AGBL1: variants seen among roughly 807,000 people sequenced by gnomAD.
AGBL1 encodes the protein cytosolic carboxypeptidase 4.
AGBL1 carries 130 observed loss-of-function variants against 118.9 expected under a neutral mutation model. The observed-to-expected ratio is 1.09, with a 90% CI of 0.95 to 1.26. The LOEUF is 1.26. AGBL1 is among the 50% of genes most tolerant of loss of function. AGBL1 has a pLI of 0.00. For missense variants in AGBL1, 1,584 were observed against 1,298.1 expected (o/e 1.22, Z -3.38); for synonymous variants, 555 against 478.9 (o/e 1.16, Z -2.08).
intron 22 of AGBL1, among the ~76,000 whole-genome samples, chr15:86,868,294 C>T (rs1021068478): frequency 2.6e-5 from 4 of 152,220 alleles, no homozygotes; most frequent in African/African-American, 7.2e-5. Flanking sequence ...GAGGACTATT[C>T]ATATGTGGCA....
intron 22 of AGBL1, among the ~76,000 whole-genome samples, chr15:86,763,453 T>TG (rs1007603785): frequency 6.6e-6 from 1 of 151,952 alleles, no homozygotes; most frequent in African/African-American, 2.4e-5. Flanking sequence ...CTCACTTTAG[T>TG]GAAAAAAACA....
At position 86,264,856 on chromosome 15, in the gene AGBL1, T is replaced by C; in HGVS notation, c.1667+18T>C. 6.5e-7 allele frequency: 1 copy of C among 1,546,780 alleles called. No homozygotes were observed. Among genetic ancestry groups the C allele is most frequent in the Non-Finnish European group, 8.7e-7 (1 of 1,150,658 alleles). ...GTCCAAAGGTGATGGCGCTACTGACTTGGGAGCTCTTTTTTTCTGTTCTTT... is the reference window on the plus strand; with the variant it reads ...GTCCAAAGGTGATGGCGCTACTGACCTGGGAGCTCTTTTTTTCTGTTCTTT... On this transcript the variant is annotated intron_variant, in intron 11 of 22. Coordinates refer to ENST00000614907, the MANE Select transcript of AGBL1 (RefSeq NM_001386094.1).
intron 18 of AGBL1, among the ~76,000 whole-genome samples, chr15:86,472,925 A>C (rs1596158338): frequency 1.3e-5 from 2 of 152,314 alleles, no homozygotes; most frequent in South Asian, 4.2e-4. Context: ...ATCTCAAAAA[A>C]CAAAAAACAG....
intron 23 of AGBL1, among the ~76,000 whole-genome samples, chr15:86,968,552 A>G (rs184863888): frequency 6.6e-6 from 1 of 151,394 alleles, no homozygotes; most frequent in Admixed American, 6.6e-5. Flanking sequence ...AAGCAAAATG[A>G]TCTTAGGCCC....
At chr15:86,578,786 C>A (rs142358354) in intron 21 of AGBL1, among the ~76,000 whole-genome samples, 1 of 152,272 alleles carries the variant, frequency 6.6e-6, no homozygotes, top group African/African-American at 2.4e-5. Context: ...ACGTGACTTG[C>A]GGCTCCTTGC....
At chr15:86,810,815 T>C (rs557431335) in intron 22 of AGBL1, among the ~76,000 whole-genome samples, 2 of 152,180 alleles carry the variant, frequency 1.3e-5, no homozygotes, top group Non-Finnish European at 2.9e-5. Context: ...ATTTCTGGTA[T>C]TGACTAGACA....
intron 5 of AGBL1, among the ~76,000 whole-genome samples, chr15:86,170,707 A>G (rs183381414): frequency 1.1e-4 from 16 of 151,926 alleles, no homozygotes; most frequent in African/African-American, 3.6e-4. Context: ...TTAGCTGGGC[A>G]TGGTGGCTCA....
intron 5 of AGBL1, among the ~76,000 whole-genome samples, chr15:86,178,806 C>G (rs377246269): frequency 1.3e-5 from 2 of 152,086 alleles, no homozygotes; most frequent in African/African-American, 4.8e-5. Context: ...ACCAATATCT[C>G]TCTTTTTTAA....
At chr15:86,529,752 C>T (rs1193425056) in intron 19 of AGBL1, among the ~76,000 whole-genome samples, 3 of 151,820 alleles carry the variant, frequency 2.0e-5, no homozygotes, top group Admixed American at 6.6e-5. Flanking sequence ...AGACTAACAG[C>T]GGATCTCTCG....
In AGBL1 at chr15:86,674,447, C is replaced by G; in HGVS notation, c.3158+11C>G. On this transcript the variant is annotated intron_variant, in intron 22 of 22. Coordinates refer to ENST00000614907, the MANE Select transcript of AGBL1 (RefSeq NM_001386094.1). The stretch of plus-strand genomic sequence containing the variant: ...CCAGCACCTCCAACGGTAAGATGCT[C>G]CCAAGGGCTCAGAGAAATTTGGACC... 1.3e-6 allele frequency: 2 copies of G among 1,594,490 alleles called. No homozygotes were observed. Among genetic ancestry groups the G allele is most frequent in the Non-Finnish European group, 1.7e-6 (2 of 1,166,146 alleles).
chr15:86,924,286 G>C (rs562567430), intron 23 of AGBL1, among the ~76,000 whole-genome samples: 1 of 152,340 alleles, frequency 6.6e-6, no homozygotes, highest in Admixed American at 6.5e-5. Context: ...ACAATGAATG[G>C]TCTTATTGGC....
chr15:86,449,889 C>T (rs1267541086), intron 18 of AGBL1, among the ~76,000 whole-genome samples: 2 of 152,116 alleles, frequency 1.3e-5, no homozygotes, highest in Non-Finnish European at 1.5e-5. Context: ...ACATCCATGG[C>T]TCTGTAGGCA....
intron 21 of AGBL1, among the ~76,000 whole-genome samples, chr15:86,638,886 T>C (rs772723415): frequency 3.3e-5 from 5 of 152,142 alleles, no homozygotes; most frequent in East Asian, 1.9e-4. Flanking sequence ...CTACCATCCA[T>C]GTGTCAGCTC....
intron 20 of AGBL1, among the ~76,000 whole-genome samples, chr15:86,551,370 A>G (rs541720123): frequency 1.1e-3 from 165 of 152,286 alleles, no homozygotes; most frequent in African/African-American, 3.8e-3. Flanking sequence ...GAAAGAAGAT[A>G]CAAGTTACCA....
At chr15:86,392,377 T>C (rs574304179) in intron 17 of AGBL1, among the ~76,000 whole-genome samples, 11 of 152,354 alleles carry the variant, frequency 7.2e-5, no homozygotes, top group African/African-American at 2.6e-4. Flanking sequence ...GTATAAATGA[T>C]GTCACAATGA....
At chr15:86,748,894 G>A (rs187582284) in intron 22 of AGBL1, among the ~76,000 whole-genome samples, 1 of 152,080 alleles carries the variant, frequency 6.6e-6, no homozygotes, top group Non-Finnish European at 1.5e-5. Context: ...CCAGTTCCAT[G>A]CTCTTTTGGT....
intron 22 of AGBL1, among the ~76,000 whole-genome samples, chr15:86,780,511 T>A (rs113906544): frequency 1.3e-3 from 198 of 152,292 alleles, no homozygotes; most frequent in African/African-American, 4.7e-3. Context: ...CAAAAGTACA[T>A]TCTGGATCTT....
chr15:86,955,082 G>A (rs1017373993), intron 23 of AGBL1, among the ~76,000 whole-genome samples: 3 of 151,790 alleles, frequency 2.0e-5, no homozygotes, highest in African/African-American at 4.8e-5. Flanking sequence ...TATGGCTGTC[G>A]TACATTTCAC....
At chr15:86,654,507 T>C (rs1316003038) in intron 21 of AGBL1, among the ~76,000 whole-genome samples, 1 of 152,202 alleles carries the variant, frequency 6.6e-6, no homozygotes, top group African/African-American at 2.4e-5. Context: ...CAATGTCTCA[T>C]CCTTGAAAAT....
Sources: gnomAD v4.1 joint callset for allele counts (sites outside exome capture counted in the v4.1 genomes callset) on GRCh38, gnomAD v4.1.1 for gene constraint, MANE v1.5 for transcripts, NCBI Gene and HGNC (gene_info 2026-07-23, HGNC 2026-07-21) for gene names.